The following AATF variants were observed in gnomAD, a reference collection of about 807,000 sequenced individuals.
AATF encodes apoptosis antagonizing transcription factor.
AATF carries 48 observed loss-of-function variants against 63.7 expected under a neutral mutation model. That is an observed-to-expected ratio of 0.75 (90% CI 0.60 to 0.96). AATF has a LOEUF of 0.96. AATF is among the 40% of genes least tolerant of loss of function. The pLI is 0.00. For missense variants in AATF, 639 were observed against 685.7 expected, an observed-to-expected ratio of 0.93 and a Z score of 0.76; for synonymous variants, 258 against 247.7, an observed-to-expected ratio of 1.04 and a Z score of -0.39.
rs1164540149 is a variant in AATF at position 36,988,733 on chromosome 17, A to G, written c.1149+13A>G. 6.2e-7 allele frequency: 1 copy of G among 1,612,488 alleles called. No individual in the cohort carries two copies. The highest frequency in any genetic ancestry group is 1.7e-5 in the Admixed American group (1 of 59,962). ...AAAACTGGGGAAGGCAAGTGTGTGT[A>G]TGCGCGCATGTATGTGTAAGATAGG... On this transcript the variant is annotated intron_variant, in intron 6 of 11. Coordinates refer to ENST00000619387, the MANE Select transcript of AATF (RefSeq NM_012138.4).
At chr17:37,032,405 C>T (rs1283536128) in intron 11 of AATF, among the ~76,000 whole-genome samples, 2 of 152,170 alleles carry the variant, frequency 1.3e-5, no homozygotes, top group East Asian at 3.8e-4. Flanking sequence ...TGTCTTCAGT[C>T]AATCTTTGAG....
intron 4 of AATF, among the ~76,000 whole-genome samples, chr17:36,960,644 A>G (rs947006681): frequency 6.6e-6 from 1 of 152,162 alleles, no homozygotes; most frequent in African/African-American, 2.4e-5. Flanking sequence ...CTCTCAGTTA[A>G]CACTTTATGG....
intron 8 of AATF, among the ~76,000 whole-genome samples, chr17:36,993,409 G>A (rs2071230410): frequency 6.6e-6 from 1 of 152,184 alleles, no homozygotes. Context: ...CAGACACAAG[G>A]TAGCACCTGT....
intron 8 of AATF, among the ~76,000 whole-genome samples, chr17:36,997,317 T>A (rs2071261702): frequency 6.6e-6 from 1 of 151,964 alleles, no homozygotes; most frequent in African/African-American, 2.4e-5. Context: ...TGTGAGAAAA[T>A]CTTCACACTC....
At chr17:36,957,724 C>G (rs1296972026) in intron 4 of AATF, among the ~76,000 whole-genome samples, 1 of 152,176 alleles carries the variant, frequency 6.6e-6, no homozygotes, top group Non-Finnish European at 1.5e-5. Context: ...TGTATCCTCT[C>G]AATGTAAATT....
intron 4 of AATF, among the ~76,000 whole-genome samples, chr17:36,967,382 C>T (rs898564423): frequency 6.6e-6 from 1 of 152,122 alleles, no homozygotes; most frequent in African/African-American, 2.4e-5. Context: ...TTGATTGTTA[C>T]ATTTTTGTTT....
At chr17:37,046,401 A>G (rs1567996920) in intron 11 of AATF, among the ~76,000 whole-genome samples, 1 of 152,064 alleles carries the variant, frequency 6.6e-6, no homozygotes. Context: ...GAGCCAGGAG[A>G]ACACATGCTC....
chr17:36,972,505 T>G (rs1255399587), intron 4 of AATF, among the ~76,000 whole-genome samples: 2 of 152,204 alleles, frequency 1.3e-5, no homozygotes, highest in Non-Finnish European at 2.9e-5. Flanking sequence ...CAAGAATTAA[T>G]TAGGCTGCAC....
At chr17:36,958,907 G>A (rs2070923675) in intron 4 of AATF, among the ~76,000 whole-genome samples, 1 of 152,124 alleles carries the variant, frequency 6.6e-6, no homozygotes, top group Non-Finnish European at 1.5e-5. Context: ...CACTTTGGGA[G>A]GCCAAGACAG....
chr17:37,052,768 C>G (rs2071763892), intron 11 of AATF: 1 of 152,396 alleles, frequency 6.6e-6, no homozygotes, highest in South Asian at 2.1e-4. Context: ...CGGGCTGCCA[C>G]AGGAAAACCT....
intron 8 of AATF, among the ~76,000 whole-genome samples, chr17:37,004,270 G>A (rs2071324827): frequency 6.6e-6 from 1 of 152,184 alleles, no homozygotes; most frequent in Non-Finnish European, 1.5e-5. Flanking sequence ...GGCGGAGGTT[G>A]CAGTGAGCTG....
intron 8 of AATF, among the ~76,000 whole-genome samples, chr17:36,996,135 A>G (rs1315577101): frequency 6.6e-6 from 1 of 152,216 alleles, no homozygotes; most frequent in Non-Finnish European, 1.5e-5. Context: ...TATGAAGTAC[A>G]TAAATTTTAA....
intron 11 of AATF, among the ~76,000 whole-genome samples, chr17:37,040,439 C>T (rs1415247210): frequency 1.4e-5 from 2 of 146,186 alleles, no homozygotes; most frequent in Admixed American, 7.1e-5. Flanking sequence ...TTGCACTAAG[C>T]CCTTCACATA....
intron 9 of AATF, among the ~76,000 whole-genome samples, chr17:37,020,568 G>A (rs1285957849): frequency 1.3e-5 from 2 of 152,130 alleles, no homozygotes; most frequent in African/African-American, 4.8e-5. Flanking sequence ...AAACCAACCA[G>A]CAGTTGCAAC....
intron 10 of AATF, among the ~76,000 whole-genome samples, chr17:37,025,042 C>T (rs994297253): frequency 2.0e-4 from 31 of 151,974 alleles, no homozygotes; most frequent in African/African-American, 6.8e-4. Context: ...TAGGAGATGA[C>T]GGATTGAGAG....
At chr17:36,977,883 A>G (rs1029217282) in intron 4 of AATF, among the ~76,000 whole-genome samples, 5 of 152,180 alleles carry the variant, frequency 3.3e-5, no homozygotes, top group African/African-American at 1.2e-4. Context: ...AGGTAACTGT[A>G]GTAGATTTCA....
At chr17:37,040,577 G>A (rs1205005213) in intron 11 of AATF, among the ~76,000 whole-genome samples, 1 of 152,190 alleles carries the variant, frequency 6.6e-6, no homozygotes, top group African/African-American at 2.4e-5. Context: ...AGTGGAACAG[G>A]TGTGTGCATC....
chr17:36,969,108 G>A (rs936010566), intron 4 of AATF, among the ~76,000 whole-genome samples: 1 of 152,104 alleles, frequency 6.6e-6, no homozygotes, highest in Admixed American at 6.5e-5. Context: ...AAGTTGATTG[G>A]GAACTTTGTA....
intron 4 of AATF, among the ~76,000 whole-genome samples, chr17:36,969,550 G>A (rs1201302106): frequency 6.6e-6 from 1 of 152,150 alleles, no homozygotes; most frequent in East Asian, 1.9e-4. Context: ...TTCTGTTTCT[G>A]GACTGTAAGT....
Sources: allele counts gnomAD v4.1 joint callset (sites outside exome capture counted in the v4.1 genomes callset), GRCh38; gene constraint gnomAD v4.1.1; transcripts MANE v1.5; gene names NCBI Gene and HGNC (gene_info 2026-07-23, HGNC 2026-07-21).